Variants in FOXK2 observed in about 807,000 individuals in gnomAD.
FOXK2 encodes forkhead box K2.
Under a neutral mutation model 53.3 loss-of-function variants are expected in FOXK2, and 24 were observed. That is an observed-to-expected ratio of 0.45 (90% confidence interval 0.33 to 0.63). The LOEUF (loss-of-function observed/expected upper bound fraction) is 0.63, where lower values mean the gene tolerates loss of function less well. FOXK2 is among the 30% of genes least tolerant of loss of function. The pLI is 0.03. For synonymous variants in FOXK2, 505 were observed against 407.1 expected (o/e 1.24, Z -2.89); for missense variants, 952 against 910.5 (o/e 1.05, Z -0.59).
Position 82,604,537 on chromosome 17 carries a change from A to G in FOXK2, c.*3038A>G, listed in dbSNP as rs1448614912. 6.6e-6 allele frequency: 1 copy of G among 152,644 alleles called. No individual in the cohort carries two copies. The highest frequency in any genetic ancestry group is 1.5e-5 in the Non-Finnish European group (1 of 68,036). The allele number at this position is 152,644 out of a possible 1,614,324, so 9.5% of individuals were successfully genotyped here. Reference sequence around the variant, plus strand: ...AAAGTATAGTGGTGATTTGTGTGCAAAGATTTGAAGTTTTAAAAAAGTACC... The same window carrying G: ...AAAGTATAGTGGTGATTTGTGTGCAGAGATTTGAAGTTTTAAAAAAGTACC... On this transcript the variant is annotated 3_prime_UTR_variant, in exon 9 of 9. Transcript: ENST00000335255.
chr17:82,526,131 A>G (rs1486152917), intron 1 of FOXK2, among the ~76,000 whole-genome samples: 1 of 152,206 alleles, frequency 6.6e-6, no homozygotes, highest in African/African-American at 2.4e-5. Flanking sequence ...CTGGAGAGAG[A>G]TGAGCCGACA....
At chr17:82,580,123 C>G (rs1224485449) in intron 4 of FOXK2, among the ~76,000 whole-genome samples, 2 of 131,458 alleles carry the variant, frequency 1.5e-5, no homozygotes, top group African/African-American at 5.9e-5. Context: ...TCCACAGGGC[C>G]CAGATCCCTC....
In FOXK2 at chr17:82,565,407, A is replaced by G. The variant is rs186560077; in HGVS notation, c.614+1859A>G. Among the ~76,000 whole-genome samples, 276 of 152,340 alleles carry G rather than the reference A, an allele frequency of 1.8e-3. 2 individuals are homozygous for G. Among genetic ancestry groups the G allele is most frequent in the Non-Finnish European group, 2.4e-4 (16 of 68,026 alleles). On this transcript the variant is annotated intron_variant, in intron 2 of 8. Transcript: ENST00000335255. Reference sequence around the variant, plus strand: ...GTACAGAATGGGAGTAAGTATTTGCAAATCATACATCTGACAAGGGATTAA... The same window carrying G: ...GTACAGAATGGGAGTAAGTATTTGCGAATCATACATCTGACAAGGGATTAA...
intron 4 of FOXK2, among the ~76,000 whole-genome samples, chr17:82,582,126 G>A (rs1227485300): frequency 6.6e-6 from 1 of 152,148 alleles, no homozygotes; most frequent in Non-Finnish European, 1.5e-5. Context: ...GTGCGAAAAA[G>A]TATTTTAACA....
At chr17:82,558,675 A>G (rs2044758531) in intron 1 of FOXK2, among the ~76,000 whole-genome samples, 1 of 152,168 alleles carries the variant, frequency 6.6e-6, no homozygotes, top group Non-Finnish European at 1.5e-5. Context: ...GGCTTTCTGC[A>G]GAAGTTCAGG....
chr17:82,569,404 G>T (rs1223529717), intron 3 of FOXK2, among the ~76,000 whole-genome samples: 1 of 152,170 alleles, frequency 6.6e-6, no homozygotes, highest in African/African-American at 2.4e-5. Flanking sequence ...GTGGTAAAAC[G>T]TAGTAAATCC....
In FOXK2 at chr17:82,601,718, A is replaced by G; in HGVS notation, c.*219A>G. 2.0e-6 allele frequency: 1 copy of G among 497,146 alleles called. No individual in the cohort carries two copies. The highest frequency in any genetic ancestry group is 3.6e-6 in the Non-Finnish European group (1 of 276,728). The allele number at this position is 497,146 out of a possible 1,614,324, so 30.8% of individuals were successfully genotyped here. ...ACCTGATTTGGGAGACGGTGTCTCC[A>G]CTGAGCACCTGCTGGGCTGAGCTTC... On this transcript the variant is annotated 3_prime_UTR_variant, in exon 9 of 9. Coordinates refer to ENST00000335255, the MANE Select transcript of FOXK2 (RefSeq NM_004514.4).
At chr17:82,535,980 G>A (rs1012657677) in intron 1 of FOXK2, among the ~76,000 whole-genome samples, 3 of 152,048 alleles carry the variant, frequency 2.0e-5, no homozygotes, top group Admixed American at 6.6e-5. Context: ...AACCTCAGGT[G>A]ATCCGCCTGT....
intron 1 of FOXK2, among the ~76,000 whole-genome samples, chr17:82,525,772 G>A (rs561399014): frequency 2.1e-4 from 32 of 152,246 alleles, no homozygotes; most frequent in Non-Finnish European, 2.9e-4. Context: ...ACTATTTAAC[G>A]TGCTAAATTA....
intron 4 of FOXK2, chr17:82,578,135 A>G (rs2045011677): frequency 6.6e-6 from 1 of 152,286 alleles, no homozygotes; most frequent in African/African-American, 2.4e-5. Context: ...TCTGAAAGGA[A>G]CTTGTCCTGT....
chr17:82,562,233 CTGGCTCTTTGTT>C (rs1214381777), intron 1 of FOXK2, among the ~76,000 whole-genome samples: 1 of 152,176 alleles, frequency 6.6e-6, no homozygotes, highest in Admixed American at 6.5e-5. Context: ...CTTAATGTCC[CTGGCTCTTTGTT>C]TGCCAGAGCC....
rs74418079 is a variant in FOXK2, at chr17:82,520,864, A to C, written c.419+557A>C. ...AGTAGGCCAAATTGGAAGACGCTTCAAGCATGATGGATTTTCAATCTGTGC... is the reference window on the plus strand; with the variant it reads ...AGTAGGCCAAATTGGAAGACGCTTCCAGCATGATGGATTTTCAATCTGTGC... On this transcript the variant is annotated intron_variant, in intron 1 of 8. Transcript: ENST00000335255. Among the ~76,000 whole-genome samples, 790 of 152,280 alleles carry C rather than the reference A, an allele frequency of 5.2e-3. 5 individuals carry two copies. The highest frequency in any genetic ancestry group is 0.018 in the African/African-American group (755 of 41,554).
At chr17:82,570,867 A>C (rs1469034976) in intron 3 of FOXK2, among the ~76,000 whole-genome samples, 2 of 152,202 alleles carry the variant, frequency 1.3e-5, no homozygotes, top group East Asian at 1.9e-4. Flanking sequence ...TGAAAGAGCC[A>C]GGACCAGGGA....
intron 1 of FOXK2, among the ~76,000 whole-genome samples, chr17:82,520,643 G>C (rs1567960954): frequency 6.6e-6 from 1 of 152,250 alleles, no homozygotes; most frequent in African/African-American, 2.4e-5. Flanking sequence ...TCTGCAGCGA[G>C]GTCGCGCTGA....
intron 1 of FOXK2, among the ~76,000 whole-genome samples, chr17:82,545,387 T>C (rs766862619): frequency 5.3e-5 from 8 of 152,236 alleles, no homozygotes; most frequent in Non-Finnish European, 7.3e-5. Context: ...TATTGAATAC[T>C]GTGTTTCTGA....
At chr17:82,586,806 C>T (rs2045180110) in intron 7 of FOXK2, among the ~76,000 whole-genome samples, 1 of 152,010 alleles carries the variant, frequency 6.6e-6, no homozygotes, top group South Asian at 2.1e-4. Context: ...GAGGCTGAGG[C>T]GGGAGAATCA....
chr17:82,561,406 G>A (rs182970706), intron 1 of FOXK2, among the ~76,000 whole-genome samples: 21 of 152,274 alleles, frequency 1.4e-4, no homozygotes, highest in Admixed American at 9.8e-4. Context: ...GGATGAGCCA[G>A]GAGTGAGGGT....
At chr17:82,550,738 CT>C (rs1407944653) in intron 1 of FOXK2, among the ~76,000 whole-genome samples, 1 of 152,032 alleles carries the variant, frequency 6.6e-6, no homozygotes, top group Non-Finnish European at 1.5e-5. Context: ...ATCTTCTGAC[CT>C]TGTGATCCGC....
intron 1 of FOXK2, among the ~76,000 whole-genome samples, chr17:82,521,452 G>T (rs56253930): frequency 0.18 from 27,022 of 150,954 alleles, 2,760 homozygotes; most frequent in Non-Finnish European, 0.24. Flanking sequence ...GATTACAGGC[G>T]TGAGCCACCG....
Sources: gnomAD v4.1 joint callset for allele counts (sites outside exome capture counted in the v4.1 genomes callset) on GRCh38, gnomAD v4.1.1 for gene constraint, MANE v1.5 for transcripts, NCBI Gene and HGNC (gene_info 2026-07-23, HGNC 2026-07-21) for gene names.